Variants in XNDC1N observed in about 807,000 individuals in gnomAD.
XNDC1N encodes XRCC1 N-terminal domain containing 1, N-terminal like.
At chr11:71,881,690 C>T in the XNDC1N span, among the ~76,000 whole-genome samples, 246 of 151,828 alleles carry the variant, frequency 1.6e-3, no homozygotes, top group African/African-American at 5.6e-3. Context: ...AAGATTGGGA[C>T]TTTAACATAC....
chr11:71,888,794 C>T, the XNDC1N span, among the ~76,000 whole-genome samples: 1 of 152,238 alleles, frequency 6.6e-6, no homozygotes, highest in Non-Finnish European at 1.5e-5. Flanking sequence ...GAATGCCACA[C>T]TCACCGACTA....
the XNDC1N span, among the ~76,000 whole-genome samples, chr11:71,906,773 A>C: frequency 6.6e-6 from 1 of 152,206 alleles, no homozygotes; most frequent in South Asian, 2.1e-4. Flanking sequence ...GTTAGGAGTC[A>C]CATCCCAAAA....
chr11:71,919,982 C>T, the XNDC1N span, among the ~76,000 whole-genome samples: 83 of 78,806 alleles, frequency 1.1e-3, no homozygotes, highest in Admixed American at 2.0e-3. Context: ...GACAGAGTCT[C>T]GCTCTGTCTC....
the XNDC1N span, chr11:71,884,348 C>T: frequency 6.9e-7 from 1 of 1,441,846 alleles, no homozygotes; most frequent in Non-Finnish European, 9.2e-7. Flanking sequence ...ACATTTCAGA[C>T]ATTTAAACAT....
chr11:71,883,352 T>C, the XNDC1N span, among the ~76,000 whole-genome samples: 720 of 152,242 alleles, frequency 4.7e-3, 6 homozygotes, highest in African/African-American at 0.017. Flanking sequence ...ATTATAAAGA[T>C]AGAGTAATCA....
At chr11:71,918,292 TATTTTTTGTGAGACA>T in the XNDC1N span, among the ~76,000 whole-genome samples, 1 of 152,180 alleles carries the variant, frequency 6.6e-6, no homozygotes, top group South Asian at 2.1e-4. Context: ...GATTTATTTT[TATTTTTTGTGAGACA>T]GGGTCTCACT....
At chr11:71,897,990 C>G in the XNDC1N span, among the ~76,000 whole-genome samples, 184 of 152,240 alleles carry the variant, frequency 1.2e-3, 1 homozygote, top group African/African-American at 4.3e-3. Flanking sequence ...CAAGACCAGC[C>G]TGGCCATCTT....
the XNDC1N span, chr11:71,928,530 T>C: frequency 1.4e-6 from 1 of 702,604 alleles, no homozygotes. Flanking sequence ...AGCTGCTGTT[T>C]TTGAAAATGA....
chr11:71,897,693 C>T, the XNDC1N span, among the ~76,000 whole-genome samples: 3 of 152,180 alleles, frequency 2.0e-5, no homozygotes, highest in East Asian at 1.9e-4. Context: ...CAGATGTTCC[C>T]GCAGTTGCAT....
At chr11:71,876,965 C>G in the XNDC1N span, among the ~76,000 whole-genome samples, 1 of 152,210 alleles carries the variant, frequency 6.6e-6, no homozygotes, top group Non-Finnish European at 1.5e-5. Context: ...TGCCCAGGCA[C>G]CGCTGCCCCA....
the XNDC1N span, chr11:71,884,704 A>G: frequency 7.8e-6 from 9 of 1,156,622 alleles, no homozygotes; most frequent in African/African-American, 1.2e-4. Context: ...AAATTTTATA[A>G]ATGCTTACAC....
At chr11:71,900,048 C>G in the XNDC1N span, among the ~76,000 whole-genome samples, 1 of 152,286 alleles carries the variant, frequency 6.6e-6, no homozygotes, top group Non-Finnish European at 1.5e-5. Flanking sequence ...AAACCTAAAT[C>G]TGGCTGATGT....
the XNDC1N span, among the ~76,000 whole-genome samples, chr11:71,887,090 A>C: frequency 0.11 from 16,300 of 152,216 alleles, 1,785 homozygotes; most frequent in African/African-American, 0.28. Flanking sequence ...TGAGGGAGAC[A>C]AGACTCAAGC....
the XNDC1N span, chr11:71,893,371 T>G: frequency 1.5e-6 from 1 of 649,894 alleles, no homozygotes; most frequent in South Asian, 1.7e-5. Context: ...AGTGTCAAGA[T>G]GTTCCTTGTG....
At chr11:71,881,953 C>T in the XNDC1N span, among the ~76,000 whole-genome samples, 6 of 152,110 alleles carry the variant, frequency 3.9e-5, no homozygotes, top group East Asian at 1.2e-3. Flanking sequence ...GAAATTCTGA[C>T]TGAGATTTTC....
At chr11:71,870,499 A>G in the XNDC1N span, among the ~76,000 whole-genome samples, 2 of 152,200 alleles carry the variant, frequency 1.3e-5, no homozygotes, top group African/African-American at 4.8e-5. Context: ...TTAAGTTCTA[A>G]CTGCAAAAGC....
the XNDC1N span, among the ~76,000 whole-genome samples, chr11:71,873,754 G>T: frequency 6.6e-6 from 1 of 152,162 alleles, no homozygotes; most frequent in African/African-American, 2.4e-5. Context: ...GAAATATTCA[G>T]CAACCAAATC....
the XNDC1N span, chr11:71,918,786 T>C: frequency 1.5e-6 from 1 of 649,296 alleles, no homozygotes; most frequent in South Asian, 1.7e-5. Flanking sequence ...CCATAAAGGC[T>C]GCTCAGCCAG....
chr11:71,881,398 AAC>A, the XNDC1N span, among the ~76,000 whole-genome samples: 1 of 152,310 alleles, frequency 6.6e-6, no homozygotes, highest in East Asian at 1.9e-4. Flanking sequence ...TGCCTTAAAT[AAC>A]AAAAGTTCAT....
Sources: allele counts gnomAD v4.1 joint callset (sites outside exome capture counted in the v4.1 genomes callset), GRCh38; gene constraint gnomAD v4.1.1; transcripts MANE v1.5; gene names NCBI Gene and HGNC (gene_info 2026-07-23, HGNC 2026-07-21).